The following HEATR5A variants were observed in gnomAD, a reference collection of about 807,000 sequenced individuals.
HEATR5A encodes the protein HEAT repeat containing 5A, also known as HEAT repeat-containing protein 5A.
HEATR5A carries 178 observed loss-of-function variants against 218.8 expected under a neutral mutation model. The ratio of observed to expected loss-of-function variants is 0.81; its 90% CI spans 0.72 to 0.92. HEATR5A has a LOEUF of 0.92. HEATR5A is among the 40% of genes least tolerant of loss of function. HEATR5A has a pLI of 0.00. For missense variants in HEATR5A, 2,420 were observed against 2,418.9 expected, an observed-to-expected ratio of 1.00 and a Z score of -0.01; for synonymous variants, 864 against 871.6, an observed-to-expected ratio of 0.99 and a Z score of 0.15.
chr14:31,371,777 G>T (rs1223244850), intron 13 of HEATR5A, 33 bp downstream of exon 13: 1 of 1,037,820 alleles, frequency 9.6e-7, no homozygotes, highest in South Asian at 1.7e-5. Context: ...ATAATCAGAG[G>T]GCAACTATCA....
At chr14:31,366,924 T>C (rs1901825158) in intron 13 of HEATR5A, among the ~76,000 whole-genome samples, 2 of 152,196 alleles carry the variant, frequency 1.3e-5, no homozygotes, top group South Asian at 2.1e-4. Context: ...CTTAATCTGA[T>C]AGAGTATCTA....
intron 16 of HEATR5A, among the ~76,000 whole-genome samples, 181 bp from the exon 17 acceptor site, chr14:31,350,898 C>T (rs1901202778): frequency 6.6e-6 from 1 of 152,230 alleles, no homozygotes; most frequent in South Asian, 2.1e-4. Context: ...TCACCTCAGT[C>T]TCCCAAGTAG....
chr14:31,325,484 A>ATGTATGTATGTATG (rs1900236017), intron 23 of HEATR5A, among the ~76,000 whole-genome samples: 4 of 142,172 alleles, frequency 2.8e-5, no homozygotes, highest in African/African-American at 1.2e-4. Context: ...ATGTATGAAC[A>ATGTATGTATGTATG]TATGTATGTA....
At position 31,293,936 on chromosome 14, in the gene HEATR5A, T is replaced by G. The variant is rs61754460; in HGVS notation, c.5788A>C (p.Ile1930Leu). The change falls in exon 35 of 36, where the codon ATA becomes CTA. Residue 1930 changes from isoleucine (I) to leucine (L), a missense_variant. Physicochemically the swap from Ile to Leu is conservative, Grantham distance 5. Transcript: ENST00000543095. The part of the protein sequence containing the change: ...TAELEIFQEG[I>L]KVLETLVTVA... The stretch of plus-strand genomic sequence containing the variant: ...GTAACCAGTGTTTCTAAGACCTTTA[T>G]GCCTTCTTGGAAGATCTCAAGCTCA... 9,713 of 1,607,442 alleles carry G rather than the reference T, an allele frequency of 6.0e-3. 420 individuals are homozygous for G. In the East Asian group the frequency reaches 0.11, roughly 18 times the overall value.
chr14:31,386,271 C>T (rs1555371077), intron 9 of HEATR5A, 149 bp downstream of exon 9: 2 of 612,674 alleles, frequency 3.3e-6, no homozygotes, highest in Non-Finnish European at 5.3e-6. Context: ...CAATATACAT[C>T]TTTTTAATAA....
rs565318154 is a variant in HEATR5A at position 31,387,252 on chromosome 14, C to T, written c.1057G>A (p.Asp353Asn). 11 of 1,613,876 alleles carry T rather than the reference C, an allele frequency of 6.8e-6. No individual in the cohort carries two copies. Among genetic ancestry groups the T allele is most frequent in the South Asian group, 6.6e-5 (6 of 91,076 alleles). ...ACACAACGGCGACAGCAGACGGCAT[C>T]GATCTGAGTTTGGGTGGCTTTAGGG... The part of the protein sequence containing the change: ...SHPKATQTQI[D>N]AVCCRRCVSF... The change falls in exon 8 of 36, where the codon GAT becomes AAT. Residue 353 changes from aspartate to asparagine, a missense_variant. Physicochemically the swap from Asp to Asn is conservative, Grantham distance 23. Transcript: ENST00000543095.
chr14:31,369,180 C>G (rs2139249624), intron 13 of HEATR5A, among the ~76,000 whole-genome samples: 1 of 152,038 alleles, frequency 6.6e-6, no homozygotes, highest in South Asian at 2.1e-4. Context: ...ACCTATAGTT[C>G]CAGTTACTTG....
chr14:31,387,851 C>T (rs1356849370), intron 7 of HEATR5A, among the ~76,000 whole-genome samples: 2 of 152,212 alleles, frequency 1.3e-5, no homozygotes, highest in Non-Finnish European at 2.9e-5. Flanking sequence ...TGAGCCACCG[C>T]ACCCGGCCTG....
intron 1 of HEATR5A, among the ~76,000 whole-genome samples, chr14:31,419,343 A>G (rs1206099832): frequency 6.6e-6 from 1 of 152,218 alleles, no homozygotes; most frequent in Non-Finnish European, 1.5e-5. Flanking sequence ...TACTTTATCT[A>G]AAATTACTTT....
rs1218483940 is a variant in HEATR5A, at chr14:31,313,274, A to G, written c.4219-84T>C. 4.0e-6 allele frequency: 4 copies of G among 1,005,570 alleles called. No homozygotes were observed. The East Asian group carries it at 9.5e-5, about 24-fold the overall frequency. 62.3% of individuals were successfully genotyped at this position (1,005,570 alleles called of 1,614,324 possible). On this transcript the variant is annotated intron_variant, in intron 27 of 35. Coordinates refer to ENST00000543095, the MANE Select transcript of HEATR5A (RefSeq NM_015473.4). ...AATTTTTATATCTTCCTGAAGAGGCAGACTTACCTTTGAGCATACTGGACT... is the reference window on the plus strand; with the variant it reads ...AATTTTTATATCTTCCTGAAGAGGCGGACTTACCTTTGAGCATACTGGACT...
At chr14:31,307,566 CAA>C (rs1899594796) in intron 30 of HEATR5A, among the ~76,000 whole-genome samples, 1 of 152,068 alleles carries the variant, frequency 6.6e-6, no homozygotes, top group African/African-American at 2.4e-5. Flanking sequence ...GGTATATACA[CAA>C]AAAGCAGGGT....
intron 1 of HEATR5A, among the ~76,000 whole-genome samples, chr14:31,410,395 C>T (rs1054742738): frequency 2.0e-5 from 3 of 152,184 alleles, no homozygotes; most frequent in Non-Finnish European, 4.4e-5. Flanking sequence ...AATTAGCTTT[C>T]ATCTAGAAGG....
intron 6 of HEATR5A, among the ~76,000 whole-genome samples, chr14:31,390,775 A>G (rs1158662648): frequency 2.0e-5 from 3 of 152,094 alleles, no homozygotes; most frequent in African/African-American, 7.3e-5. Context: ...AAAGTACATA[A>G]TACTTGATAA....
chr14:31,378,802 A>AC (rs2029876400), intron 11 of HEATR5A, among the ~76,000 whole-genome samples: 2 of 129,860 alleles, frequency 1.5e-5, no homozygotes, highest in African/African-American at 6.4e-5. Context: ...AAAAACAAAC[A>AC]AAAAAAAAAA....
At chr14:31,316,954 T>A (rs116267281) in intron 26 of HEATR5A, among the ~76,000 whole-genome samples, 1,540 of 151,044 alleles carry the variant, frequency 0.01, 21 homozygotes, top group African/African-American at 0.035. Flanking sequence ...TCCCAAAGTG[T>A]TGGGATTATA....
chr14:31,316,386 A>G, intron 26 of HEATR5A, among the ~76,000 whole-genome samples: 1 of 152,188 alleles, frequency 6.6e-6, no homozygotes. Flanking sequence ...GAATCTAGTC[A>G]CTGAGACTAT....
At chr14:31,356,622 T>C (rs1566766235) in intron 16 of HEATR5A, among the ~76,000 whole-genome samples, 1 of 152,216 alleles carries the variant, frequency 6.6e-6, no homozygotes, top group Non-Finnish European at 1.5e-5. Context: ...TGCTTTTATC[T>C]GTTCTCAATG....
chr14:31,334,093 C>G (rs925570457), intron 22 of HEATR5A, among the ~76,000 whole-genome samples: 2 of 145,078 alleles, frequency 1.4e-5, no homozygotes, highest in African/African-American at 5.0e-5. Context: ...GATAGCATAT[C>G]TGTTTACAAC....
chr14:31,395,259 A>G lies in HEATR5A; in HGVS notation c.537T>C (p.Tyr179=). 3 of 1,533,932 alleles carry G rather than the reference A, an allele frequency of 2.0e-6. No individual in the cohort carries two copies. Among genetic ancestry groups the G allele is most frequent in the Middle Eastern group, 1.7e-4 (1 of 5,984 alleles). ...CTGTCAAGCAGGATCTAGCAGCTTTATAAACATCCCTGTGACAAGGTGCAG... is the reference window on the plus strand; with the variant it reads ...CTGTCAAGCAGGATCTAGCAGCTTTGTAAACATCCCTGTGACAAGGTGCAG... ...AAAAPCHRDV[Y]KAARSCLTDR... is the part of the protein sequence containing the mutation. Residue 179 remains tyrosine (Y), a synonymous_variant, in exon 5 of 36, where the codon TAT becomes TAC. Transcript: ENST00000543095.
Sources: allele counts gnomAD v4.1 joint callset (sites outside exome capture counted in the v4.1 genomes callset), GRCh38; gene constraint gnomAD v4.1.1; transcripts MANE v1.5; gene names NCBI Gene and HGNC (gene_info 2026-07-23, HGNC 2026-07-21).